DNAH12: variants seen among roughly 807,000 people sequenced by gnomAD.
The protein encoded by DNAH12 is dynein axonemal heavy chain 12.
DNAH12 carries 285 observed loss-of-function variants against 371.5 expected under a neutral mutation model. That is an observed-to-expected ratio of 0.77 (90% confidence interval 0.70 to 0.85). DNAH12 has a LOEUF of 0.85. Among genes scored for constraint, DNAH12 ranks in the 40% least tolerant of loss-of-function variants. The pLI is 0.00. For synonymous variants in DNAH12, 1,200 were observed against 1,213.0 expected, an observed-to-expected ratio of 0.99 and a Z score of 0.22; for missense variants, 3,611 against 3,689.4, an observed-to-expected ratio of 0.98 and a Z score of 0.55.
intron 4 of DNAH12, among the ~76,000 whole-genome samples, chr3:57,511,429 A>G (rs2067994395): frequency 6.6e-6 from 1 of 152,232 alleles, no homozygotes; most frequent in South Asian, 2.1e-4. Context: ...TCCCATAAGA[A>G]TGAATAGTCT....
At chr3:57,331,208 G>T (rs1258311605) in intron 62 of DNAH12, among the ~76,000 whole-genome samples, 1 of 152,126 alleles carries the variant, frequency 6.6e-6, no homozygotes, top group East Asian at 1.9e-4. Flanking sequence ...ATAAGCACAG[G>T]CTTCCAAACA....
At chr3:57,546,625 T>C (rs1575767261), upstream of DNAH12, among the ~76,000 whole-genome samples, 1 of 152,200 alleles carries the variant, frequency 6.6e-6, no homozygotes, top group South Asian at 2.1e-4. Context: ...ATTATAGGCA[T>C]GAGCCACCAT....
At chr3:57,519,581 C>T in intron 4 of DNAH12, 1 of 753,066 alleles carries the variant, frequency 1.3e-6, no homozygotes, top group Non-Finnish European at 2.4e-6. Flanking sequence ...GAAGTAATCC[C>T]CTGGAGTGTT....
At chr3:57,361,444 C>CTATATATATATATATATATATA (rs1201361123) in intron 58 of DNAH12, among the ~76,000 whole-genome samples, 39 of 116,670 alleles carry the variant, frequency 3.3e-4, no homozygotes, top group African/African-American at 1.2e-3. Flanking sequence ...CACACACACA[C>CTATATATATATATATATATATA]TATATATATA....
intron 48 of DNAH12, among the ~76,000 whole-genome samples, 154 bp from the exon 49 acceptor site, chr3:57,385,159 T>G (rs2063476382): frequency 8.4e-6 from 1 of 119,278 alleles, no homozygotes; most frequent in African/African-American, 2.8e-5. Flanking sequence ...ACATGTGAAC[T>G]AATTTGGAAA....
At chr3:57,499,551 T>C (rs2067438051) in intron 11 of DNAH12, among the ~76,000 whole-genome samples, 1 of 144,200 alleles carries the variant, frequency 6.9e-6, no homozygotes, top group Admixed American at 7.1e-5. Flanking sequence ...CCCAACACTT[T>C]GAGAGGCCAA....
At position 57,445,348 on chromosome 3, in the gene DNAH12, G is replaced by A. The variant is rs1298979787; in HGVS notation, c.4251C>T (p.Tyr1417=). 1.7e-5 allele frequency: 27 copies of A among 1,551,664 alleles called. No individual in the cohort carries two copies. The highest frequency in any genetic ancestry group is 2.1e-5 in the Non-Finnish European group (24 of 1,146,974). The change falls in exon 28 of 74, where the codon TAC becomes TAT. Residue 1417 remains tyrosine (Y), a synonymous_variant. Coordinates refer to ENST00000495027, the MANE Select transcript of DNAH12 (RefSeq NM_001366028.2). The part of the protein sequence containing the change: ...ALIAEISLYS[Y]GFLNARPLSV... ...ACAGAGGTCTTGCATTCAAAAATCC[G>A]TAAGAGTAGAGGGAGATTTCTGCTA...
chr3:57,529,414 T>C (rs2068764264), intron 2 of DNAH12, among the ~76,000 whole-genome samples: 1 of 152,188 alleles, frequency 6.6e-6, no homozygotes, highest in Admixed American at 6.5e-5. Flanking sequence ...TCAATCTCAT[T>C]ACGTTATTGG....
chr3:57,300,807 A>G (rs2061329414), intron 70 of DNAH12, among the ~76,000 whole-genome samples: 1 of 152,156 alleles, frequency 6.6e-6, no homozygotes, highest in South Asian at 2.1e-4. Context: ...CAAAAAAAAA[A>G]TAGTTTTGGG....
At chr3:57,343,470 A>G (rs1438483961) in intron 60 of DNAH12, among the ~76,000 whole-genome samples, 3 of 152,272 alleles carry the variant, frequency 2.0e-5, no homozygotes, top group Non-Finnish European at 4.4e-5. Context: ...AGTCATCGGC[A>G]TTCTCTAGTC....
At chr3:57,318,865 ATT>A (rs892108760) in intron 65 of DNAH12, among the ~76,000 whole-genome samples, 3 of 152,038 alleles carry the variant, frequency 2.0e-5, no homozygotes, top group African/African-American at 7.2e-5. Flanking sequence ...TGGTTTGGCC[ATT>A]TAAGATCTTT....
intron 49 of DNAH12, among the ~76,000 whole-genome samples, chr3:57,383,438 T>C (rs2063436657): frequency 6.6e-6 from 1 of 152,032 alleles, no homozygotes; most frequent in Non-Finnish European, 1.5e-5. Flanking sequence ...TGCAGATTCA[T>C]GGAACATAGG....
chr3:57,384,493 G>T (rs1444422626), intron 49 of DNAH12, among the ~76,000 whole-genome samples: 6 of 151,792 alleles, frequency 4.0e-5, no homozygotes, highest in African/African-American at 1.2e-4. Context: ...TGTTTAAAAA[G>T]ATTAGCCAGG....
chr3:57,450,554 G>C (rs996154837), intron 25 of DNAH12, among the ~76,000 whole-genome samples: 7 of 152,194 alleles, frequency 4.6e-5, no homozygotes, highest in African/African-American at 1.7e-4. Context: ...ATCTCAAAAA[G>C]TGTTGAATAT....
intron 26 of DNAH12, 49 bp from the exon 27 acceptor site, chr3:57,446,319 C>A (rs1372142279): frequency 1.3e-6 from 2 of 1,519,318 alleles, no homozygotes; most frequent in Non-Finnish European, 1.8e-6. Flanking sequence ...GAAAGGATAT[C>A]ATCTCTTAAA....
intron 65 of DNAH12, among the ~76,000 whole-genome samples, 193 bp from the exon 66 acceptor site, chr3:57,314,824 C>A (rs1469032705): frequency 2.6e-5 from 4 of 152,134 alleles, no homozygotes; most frequent in Admixed American, 1.3e-4. Flanking sequence ...TAATTCAAAT[C>A]TCCAAATCTG....
Position 57,323,602 on chromosome 3 carries a change from T to C in DNAH12, c.9996A>G (p.Thr3332=), listed in dbSNP as rs1184373463. 1 of 1,546,188 alleles carries C rather than the reference T, an allele frequency of 6.5e-7. No homozygotes were observed. Among genetic ancestry groups the C allele is most frequent in the African/African-American group, 1.4e-5 (1 of 72,770 alleles). Residue 3332 remains threonine, a synonymous_variant, in exon 63 of 74, where the codon ACA becomes ACG. Coordinates refer to ENST00000495027, the MANE Select transcript of DNAH12 (RefSeq NM_001366028.2). ...TCCCTAGTTTGTCAGTTACATAGTTTGTTATAGCTGGGGTTATCTGTTGAA... is the reference window on the plus strand; with the variant it reads ...TCCCTAGTTTGTCAGTTACATAGTTCGTTATAGCTGGGGTTATCTGTTGAA... ...LRPDKITPAI[T]NYVTDKLGKK...
Position 57,455,681 on chromosome 3 carries a change from C to T in DNAH12, c.3337-787G>A, listed in dbSNP as rs557528519. Among the ~76,000 whole-genome samples the T allele has an allele frequency of 5.9e-5, 9 of 152,224 alleles. No individual in the cohort carries two copies. In the South Asian group the frequency reaches 1.5e-3, roughly 25 times the overall value. ...ATATAGTTAAAAACTGCACTAATAGCGCCCTTGTATTATTTATCCATAGCT... is the reference window on the plus strand; with the variant it reads ...ATATAGTTAAAAACTGCACTAATAGTGCCCTTGTATTATTTATCCATAGCT... On this transcript the variant is annotated intron_variant, in intron 22 of 73. Coordinates refer to ENST00000495027, the MANE Select transcript of DNAH12 (RefSeq NM_001366028.2).
chr3:57,325,452 C>G (rs1210344617), intron 62 of DNAH12, among the ~76,000 whole-genome samples: 6 of 152,206 alleles, frequency 3.9e-5, no homozygotes, highest in African/African-American at 1.4e-4. Context: ...TGCTGATACC[C>G]AGGCAAACAG....
Sources: gnomAD v4.1 joint callset for allele counts (sites outside exome capture counted in the v4.1 genomes callset) on GRCh38, gnomAD v4.1.1 for gene constraint, MANE v1.5 for transcripts, NCBI Gene and HGNC (gene_info 2026-07-23, HGNC 2026-07-21) for gene names.